SCHIP1: variants seen among roughly 807,000 people sequenced by gnomAD.
The protein encoded by SCHIP1 is schwannomin interacting protein 1.
In SCHIP1, 8 loss-of-function variants were observed where a neutral mutation model predicts 29.7. The ratio of observed to expected loss-of-function variants is 0.27; its 90% CI spans 0.16 to 0.49. The LOEUF (loss-of-function observed/expected upper bound fraction) is 0.49, where lower values mean the gene tolerates loss of function less well. SCHIP1 is among the 20% of genes least tolerant of loss of function. The probability of loss-of-function intolerance (pLI) is 0.99; values close to 1 mark genes in which losing one functional copy is unlikely to be tolerated. For synonymous variants in SCHIP1, 76 were observed against 94.9 expected (o/e 0.80, Z 1.16); for missense variants, 193 against 294.6 (o/e 0.66, Z 2.52).
At chr3:159,805,637 T>TG in the SCHIP1 span, among the ~76,000 whole-genome samples, 1 of 152,030 alleles carries the variant, frequency 6.6e-6, no homozygotes, top group African/African-American at 2.4e-5. Context: ...TTTTTGAGGG[T>TG]GGGGCCTAAG....
the SCHIP1 span, among the ~76,000 whole-genome samples, chr3:159,623,028 T>A: frequency 6.6e-6 from 1 of 152,212 alleles, no homozygotes; most frequent in Non-Finnish European, 1.5e-5. Flanking sequence ...ATCTGCAGGA[T>A]TGGCAACAGA....
the SCHIP1 span, among the ~76,000 whole-genome samples, chr3:159,433,506 A>T: frequency 1.3e-5 from 2 of 152,184 alleles, no homozygotes; most frequent in African/African-American, 2.4e-5. Context: ...ATCTATTTCC[A>T]TTATTCTCAA....
At chr3:159,569,901 C>A in the SCHIP1 span, among the ~76,000 whole-genome samples, 2,600 of 152,268 alleles carry the variant, frequency 0.017, 68 homozygotes, top group African/African-American at 0.059. Flanking sequence ...TTTTGATTTG[C>A]ATTTCTCTGA....
chr3:159,302,644 A>C, the SCHIP1 span, among the ~76,000 whole-genome samples: 1 of 152,292 alleles, frequency 6.6e-6, no homozygotes, highest in Admixed American at 6.5e-5. Flanking sequence ...TGTAGATTCG[A>C]GTTTATACAG....
At chr3:159,697,456 A>T in the SCHIP1 span, among the ~76,000 whole-genome samples, 1 of 152,172 alleles carries the variant, frequency 6.6e-6, no homozygotes, top group South Asian at 2.1e-4. Flanking sequence ...AAGGGGATGG[A>T]TATAATCCCA....
At chr3:159,506,441 C>G in the SCHIP1 span, among the ~76,000 whole-genome samples, 1 of 152,120 alleles carries the variant, frequency 6.6e-6, no homozygotes, top group Admixed American at 6.5e-5. Context: ...ATGGTAGTTT[C>G]TTTTGCTGTG....
the SCHIP1 span, among the ~76,000 whole-genome samples, chr3:159,759,420 A>G: frequency 6.6e-6 from 1 of 152,264 alleles, no homozygotes; most frequent in Non-Finnish European, 1.5e-5. Flanking sequence ...AGATTCGGAG[A>G]CATTTTTATA....
At chr3:159,592,369 C>T in the SCHIP1 span, among the ~76,000 whole-genome samples, 4 of 152,084 alleles carry the variant, frequency 2.6e-5, no homozygotes, top group Admixed American at 6.6e-5. Context: ...ATAATTCTAT[C>T]CTGCAGTATA....
At chr3:159,378,569 T>C in the SCHIP1 span, among the ~76,000 whole-genome samples, 1 of 152,144 alleles carries the variant, frequency 6.6e-6, no homozygotes, top group African/African-American at 2.4e-5. Flanking sequence ...TGTGATTGCT[T>C]AATTGGTGTC....
chr3:159,764,173 T>G, the SCHIP1 span: 2 of 400,608 alleles, frequency 5.0e-6, no homozygotes, highest in Non-Finnish European at 4.4e-6. This position sits in a 1 kb window ranked among gnomAD's most constrained non-coding sequence, Gnocchi z 6.1. Flanking sequence ...CGGGGCCCCT[T>G]GTATGAAAAG....
chr3:159,443,089 A>C, the SCHIP1 span, among the ~76,000 whole-genome samples: 1 of 152,234 alleles, frequency 6.6e-6, no homozygotes, highest in Non-Finnish European at 1.5e-5. Flanking sequence ...AAATACATTC[A>C]GAGTAATTTT....
At chr3:159,886,581 G>A (rs1716982104) in intron 3 of SCHIP1, 7 of 335,772 alleles carry the variant, frequency 2.1e-5, no homozygotes, top group South Asian at 7.0e-5. Context: ...GGGCAACATG[G>A]CAAAACCCTG....
intron 2 of SCHIP1, among the ~76,000 whole-genome samples, chr3:159,884,120 C>T (rs1490267683): frequency 6.6e-6 from 1 of 152,110 alleles, no homozygotes; most frequent in Non-Finnish European, 1.5e-5. Flanking sequence ...GCTACATAAT[C>T]CTAGATTCAA....
chr3:159,584,217 G>T, the SCHIP1 span, among the ~76,000 whole-genome samples: 1 of 152,278 alleles, frequency 6.6e-6, no homozygotes, highest in Admixed American at 6.5e-5. Context: ...TAGGGGATTT[G>T]TTGGCTCCTT....
At chr3:159,704,368 G>A in the SCHIP1 span, among the ~76,000 whole-genome samples, 1 of 147,300 alleles carries the variant, frequency 6.8e-6, no homozygotes, top group East Asian at 2.0e-4. Context: ...CTGGGAGGCG[G>A]AGGTTGTAGT....
chr3:159,740,087 G>A, the SCHIP1 span, among the ~76,000 whole-genome samples: 5 of 152,152 alleles, frequency 3.3e-5, no homozygotes, highest in Admixed American at 2.6e-4. Flanking sequence ...TCTTCTTTCT[G>A]CACCTCCACA....
the SCHIP1 span, among the ~76,000 whole-genome samples, chr3:159,604,078 G>A: frequency 6.6e-6 from 1 of 152,100 alleles, no homozygotes; most frequent in African/African-American, 2.4e-5. Context: ...ATGAACTTTT[G>A]GGGGACACAT....
the SCHIP1 span, among the ~76,000 whole-genome samples, chr3:159,813,149 G>A: frequency 6.6e-6 from 1 of 152,172 alleles, no homozygotes; most frequent in East Asian, 1.9e-4. Flanking sequence ...AGTTTTGGAG[G>A]GAGCTGACCA....
chr3:159,366,115 T>A, the SCHIP1 span, among the ~76,000 whole-genome samples: 121,311 of 152,026 alleles, frequency 0.8, 48,901 homozygotes, highest in African/African-American at 0.88. Flanking sequence ...CTCAGGAAGA[T>A]TCCAATCATG....
Sources: allele counts gnomAD v4.1 joint callset (sites outside exome capture counted in the v4.1 genomes callset), GRCh38; gene constraint gnomAD v4.1.1; non-coding constraint Gnocchi (gnomAD v3.1); transcripts MANE v1.5; gene names NCBI Gene and HGNC (gene_info 2026-07-23, HGNC 2026-07-21).